CTNNA1: variants seen among roughly 807,000 people sequenced by gnomAD.
The protein encoded by CTNNA1 is catenin alpha-1.
In CTNNA1, 37 loss-of-function variants were observed where a neutral mutation model predicts 98.4. That is an observed-to-expected ratio of 0.38 (90% CI 0.29 to 0.49). The LOEUF is 0.49. CTNNA1 is among the 20% of genes least tolerant of loss of function. The pLI is 0.95. For synonymous variants in CTNNA1, 404 were observed against 413.2 expected (o/e 0.98, Z 0.27); for missense variants, 761 against 1,147.2 (o/e 0.66, Z 4.86).
rs60216420 is a variant in CTNNA1 at position 138,765,691 on chromosome 5, C to T, written c.-3+12181C>T. On this transcript the variant is annotated intron_variant, in intron 1 of 17. Transcript: ENST00000302763. ...TGGCGCTGGGCGAGGTGGCTCATGC[C>T]TGTAATCCCAGCACTTTGGGAGGCC... Among the ~76,000 whole-genome samples the T allele has an allele frequency of 4.4e-3, 666 of 152,132 alleles. 5 individuals carry two copies. The highest frequency in any genetic ancestry group is 0.015 in the African/African-American group (639 of 41,512).
chr5:138,921,653 T>A (rs1762942565), intron 11 of CTNNA1, among the ~76,000 whole-genome samples: 1 of 137,920 alleles, frequency 7.3e-6, no homozygotes, highest in Admixed American at 7.7e-5. Flanking sequence ...CAGGCTGGAA[T>A]GCAGTGGCAT....
At chr5:138,865,989 C>A (rs940532482) in intron 7 of CTNNA1, among the ~76,000 whole-genome samples, 23 of 152,204 alleles carry the variant, frequency 1.5e-4, no homozygotes, top group African/African-American at 5.5e-4. Context: ...TTGGCCCTCA[C>A]GATGATGAAA....
intron 1 of CTNNA1, 106 bp from the exon 2 acceptor site, chr5:138,781,817 G>GA: frequency 9.8e-7 from 1 of 1,019,920 alleles, no homozygotes; most frequent in Non-Finnish European, 1.4e-6. Context: ...CATCTATAGT[G>GA]AATATAGCTT....
chr5:138,812,702 C>A (rs76152498), intron 5 of CTNNA1, among the ~76,000 whole-genome samples: 131 of 152,208 alleles, frequency 8.6e-4, no homozygotes, highest in African/African-American at 3.1e-3. Context: ...ATACCTTGCC[C>A]CACCAGCCCC....
intron 7 of CTNNA1, among the ~76,000 whole-genome samples, chr5:138,855,598 G>T (rs1314510339): frequency 6.6e-6 from 1 of 152,188 alleles, no homozygotes; most frequent in Non-Finnish European, 1.5e-5. Flanking sequence ...TTTAGTTGCT[G>T]GCACTTGCCA....
intron 10 of CTNNA1, among the ~76,000 whole-genome samples, chr5:138,916,628 T>A (rs1055294716): frequency 6.6e-6 from 1 of 152,100 alleles, no homozygotes; most frequent in African/African-American, 2.4e-5. Flanking sequence ...GCTCAAGCAG[T>A]GTTCCCACTT....
chr5:138,801,032 G>A (rs1478283582), intron 3 of CTNNA1, among the ~76,000 whole-genome samples: 4 of 152,174 alleles, frequency 2.6e-5, no homozygotes, highest in Non-Finnish European at 4.4e-5. Context: ...TGAGAACTAC[G>A]AATGATCACT....
At chr5:138,816,733 G>A (rs1356774520) in intron 5 of CTNNA1, among the ~76,000 whole-genome samples, 1 of 151,448 alleles carries the variant, frequency 6.6e-6, no homozygotes, top group Non-Finnish European at 1.5e-5. Flanking sequence ...CAGAGTTTTA[G>A]TGTGTCACTC....
At chr5:138,846,804 C>G (rs1313592072) in intron 7 of CTNNA1, among the ~76,000 whole-genome samples, 1 of 152,110 alleles carries the variant, frequency 6.6e-6, no homozygotes, top group East Asian at 1.9e-4. Flanking sequence ...TCATTTCAAG[C>G]TGAGTGTTTT....
chr5:138,799,319 C>G (rs1479769328), intron 3 of CTNNA1, among the ~76,000 whole-genome samples: 1 of 152,134 alleles, frequency 6.6e-6, no homozygotes, highest in Non-Finnish European at 1.5e-5. Flanking sequence ...TGCCACCACG[C>G]CTGGCTAATT....
Position 138,892,328 on chromosome 5 carries a change from G to GTTT in CTNNA1, c.1296+4713_1296+4715dup, listed in dbSNP as rs70982738. ...TGGAAAAAGAATATAAAATAGCTTA[G>GTTT]TTTTTTTTTTTTTTTTTTTTTTTTT... is the stretch of plus-strand genomic sequence containing the variant. On this transcript the variant is annotated intron_variant, in intron 9 of 17. Coordinates refer to ENST00000302763, the MANE Select transcript of CTNNA1 (RefSeq NM_001903.5). 6.0e-3 allele frequency among the ~76,000 whole-genome samples: 474 copies of GTTT among 79,244 alleles called. 92 individuals carry two copies. Among genetic ancestry groups the GTTT allele is most frequent in the East Asian group, 0.011 (17 of 1,554 alleles). 52.0% of individuals were successfully genotyped at this position (79,244 alleles called of 152,430 possible). A position where few individuals can be genotyped will look rare whatever the true frequency, so the allele number is the denominator to read the frequency against.
At chr5:138,791,492 C>T (rs1026888301) in intron 3 of CTNNA1, among the ~76,000 whole-genome samples, 1 of 151,634 alleles carries the variant, frequency 6.6e-6, no homozygotes, top group Admixed American at 6.6e-5. Flanking sequence ...TGGCACGTGC[C>T]TGTAGTCCCA....
intron 9 of CTNNA1, among the ~76,000 whole-genome samples, chr5:138,898,277 C>CT (rs989894771): frequency 2.0e-5 from 3 of 150,920 alleles, no homozygotes; most frequent in Non-Finnish European, 2.9e-5. Context: ...TGCTACTATG[C>CT]TTTCTGTACA....
At chr5:138,838,313 A>G (rs1041272995) in intron 7 of CTNNA1, among the ~76,000 whole-genome samples, 4 of 152,246 alleles carry the variant, frequency 2.6e-5, no homozygotes, top group Admixed American at 6.5e-5. Context: ...GTGGCTTTCA[A>G]TGAATTAGTT....
chr5:138,902,104 A>G (rs543800081), intron 9 of CTNNA1, among the ~76,000 whole-genome samples: 11 of 152,322 alleles, frequency 7.2e-5, no homozygotes, highest in African/African-American at 2.2e-4. Flanking sequence ...ATAAAGAACA[A>G]GTCTTCCATA....
intron 4 of CTNNA1, among the ~76,000 whole-genome samples, chr5:138,811,787 G>C (rs369000555): frequency 6.6e-6 from 1 of 152,166 alleles, no homozygotes; most frequent in East Asian, 1.9e-4. Flanking sequence ...GCGTGGCAGC[G>C]CACGCCTGCA....
In CTNNA1 at chr5:138,809,889, G is replaced by C. The variant is rs1253949908; in HGVS notation, c.302-149G>C. ...TAGTGATAGCTATAAAACAAACAAA[G>C]GAACAGCAAACAACAACAAAAATGA... is the stretch of plus-strand genomic sequence containing the variant. On this transcript the variant is annotated intron_variant, in intron 3 of 17. Transcript: ENST00000302763. 5 of 1,139,902 alleles carry C rather than the reference G, an allele frequency of 4.4e-6. No homozygotes were observed. The African/African-American group carries it at 4.8e-5, about 11-fold the overall frequency. The allele number at this position is 1,139,902 out of a possible 1,614,324, so 70.6% of individuals were successfully genotyped here.
intron 5 of CTNNA1, 84 bp from the exon 6 acceptor site, chr5:138,824,446 T>A: frequency 6.9e-7 from 1 of 1,443,494 alleles, no homozygotes; most frequent in Non-Finnish European, 9.4e-7. Context: ...AAATTCTAAC[T>A]TTTCAGCATT....
intron 7 of CTNNA1, among the ~76,000 whole-genome samples, chr5:138,862,619 C>G (rs1764394431): frequency 6.6e-6 from 1 of 152,142 alleles, no homozygotes; most frequent in Admixed American, 6.5e-5. Flanking sequence ...AGCCTTGATT[C>G]ATAAAGCCAA....
Sources: gnomAD v4.1 joint callset for allele counts (sites outside exome capture counted in the v4.1 genomes callset) on GRCh38, gnomAD v4.1.1 for gene constraint, MANE v1.5 for transcripts, NCBI Gene and HGNC (gene_info 2026-07-23, HGNC 2026-07-21) for gene names.